Variants in STPG2 observed in about 807,000 individuals in gnomAD.
STPG2 encodes the protein sperm tail PG-rich repeat containing 2, also known as sperm-tail PG-rich repeat-containing protein 2.
A neutral mutation model predicts 54.2 loss-of-function variants in STPG2; 56 were observed. The observed-to-expected ratio is 1.03, with a 90% confidence interval of 0.83 to 1.29. STPG2 has a LOEUF of 1.29. STPG2 is among the 50% of genes most tolerant of loss of function. STPG2 has a pLI of 0.00. For missense variants in STPG2, 596 were observed against 544.9 expected, an observed-to-expected ratio of 1.09 and a Z score of -0.93; for synonymous variants, 200 against 181.8, an observed-to-expected ratio of 1.10 and a Z score of -0.81.
chr4:97,959,065 A>C (rs1365818318), intron 7 of STPG2, among the ~76,000 whole-genome samples: 1 of 152,176 alleles, frequency 6.6e-6, no homozygotes, highest in East Asian at 1.9e-4. Context: ...TCAACTCTAA[A>C]AGGAACCTTC....
chr4:97,675,363 T>C lies in STPG2; in HGVS notation c.1320+37336A>G, dbSNP rs1478719959. 4.8e-4 allele frequency among the ~76,000 whole-genome samples: 73 copies of C among 152,146 alleles called. 1 individual carries two copies. On this transcript the variant is annotated intron_variant, in intron 10 of 10. Transcript: ENST00000295268. ...AAGTTTCTATGATTATATGAATTAA[T>C]TATATTTGCAAGCCTGAAACTTCAT... is the stretch of plus-strand genomic sequence containing the variant.
At chr4:97,561,045 G>C (rs550352554) in intron 10 of STPG2, among the ~76,000 whole-genome samples, 3 of 152,022 alleles carry the variant, frequency 2.0e-5, no homozygotes, top group South Asian at 2.1e-4. Context: ...CACAATGGTT[G>C]AACTAGTTTA....
intron 5 of STPG2, among the ~76,000 whole-genome samples, chr4:98,000,141 C>G (rs974775705): frequency 1.3e-5 from 2 of 152,064 alleles, no homozygotes; most frequent in Admixed American, 6.6e-5. Flanking sequence ...TTCCAGCTAA[C>G]ATCTAGATTG....
At chr4:97,882,042 A>G (rs1460254872) in intron 8 of STPG2, among the ~76,000 whole-genome samples, 1 of 152,114 alleles carries the variant, frequency 6.6e-6, no homozygotes, top group Non-Finnish European at 1.5e-5. Context: ...CACACAAAAA[A>G]AATACCATGT....
intron 5 of STPG2, among the ~76,000 whole-genome samples, chr4:97,993,143 G>C (rs1470485558): frequency 6.6e-6 from 1 of 152,038 alleles, no homozygotes; most frequent in African/African-American, 2.4e-5. Flanking sequence ...GATGAAAGTG[G>C]GCATCCTGGT....
At position 97,669,779 on chromosome 4, in the gene STPG2, G is replaced by A. The variant is rs1722642351; in HGVS notation, c.1320+42920C>T. Among the ~76,000 whole-genome samples, 3 of 26,056 alleles carry A rather than the reference G, an allele frequency of 1.2e-4. 1 individual carries two copies. In the Admixed American group the frequency reaches 1.4e-3, roughly 13 times the overall value. 17.1% of individuals were successfully genotyped at this position (26,056 alleles called of 152,430 possible). A position where few individuals can be genotyped will look rare whatever the true frequency, so the allele number is the denominator to read the frequency against. On this transcript the variant is annotated intron_variant, in intron 10 of 10. Transcript: ENST00000295268. ...CCACTGCAGTCCGCAGTCCGGCCTGGGCAACAGAGCGAGACTCCGTCTCAA... is the reference window on the plus strand; with the variant it reads ...CCACTGCAGTCCGCAGTCCGGCCTGAGCAACAGAGCGAGACTCCGTCTCAA...
intron 8 of STPG2, among the ~76,000 whole-genome samples, chr4:97,940,604 G>T (rs1044375659): frequency 1.3e-5 from 2 of 152,020 alleles, no homozygotes; most frequent in Admixed American, 6.6e-5. Flanking sequence ...ATTAATACTT[G>T]CAATTCCATT....
intron 4 of STPG2, among the ~76,000 whole-genome samples, chr4:97,452,539 A>T (rs955069816): frequency 1.3e-5 from 2 of 152,132 alleles, no homozygotes; most frequent in African/African-American, 2.4e-5. Context: ...AGGCCCATAA[A>T]AGCCCCAGGC....
At chr4:97,695,803 A>C (rs1723551665) in intron 10 of STPG2, among the ~76,000 whole-genome samples, 1 of 152,088 alleles carries the variant, frequency 6.6e-6, no homozygotes, top group Admixed American at 6.5e-5. Context: ...AAACCAAGGA[A>C]GTGAAAGACT....
intron 8 of STPG2, among the ~76,000 whole-genome samples, chr4:97,854,222 G>C (rs1366151435): frequency 6.6e-6 from 1 of 152,014 alleles, no homozygotes; most frequent in Non-Finnish European, 1.5e-5. Context: ...TAAAGGTTAT[G>C]GCCTCTGAAG....
At chr4:97,804,873 A>G (rs890654217) in intron 9 of STPG2, among the ~76,000 whole-genome samples, 1 of 152,160 alleles carries the variant, frequency 6.6e-6, no homozygotes, top group Non-Finnish European at 1.5e-5. Flanking sequence ...TGCCTATAGT[A>G]TTCAGTGCAG....
At chr4:97,639,299 T>A (rs1193725326) in intron 10 of STPG2, among the ~76,000 whole-genome samples, 1 of 146,730 alleles carries the variant, frequency 6.8e-6, no homozygotes, top group Non-Finnish European at 1.5e-5. Context: ...AACAATGAGA[T>A]CACATGGACA....
intron 10 of STPG2, among the ~76,000 whole-genome samples, chr4:97,650,481 A>G (rs1722033785): frequency 6.6e-6 from 1 of 152,170 alleles, no homozygotes; most frequent in South Asian, 2.1e-4. Flanking sequence ...TAGAAAGGCA[A>G]GACAACTTGA....
chr4:98,118,535 T>C (rs1041204797), intron 3 of STPG2, among the ~76,000 whole-genome samples: 4 of 152,140 alleles, frequency 2.6e-5, no homozygotes, highest in African/African-American at 9.7e-5. Flanking sequence ...GAGGTATATG[T>C]ATAAACTCAC....
At chr4:97,865,440 A>C (rs1729731995) in intron 8 of STPG2, among the ~76,000 whole-genome samples, 1 of 152,208 alleles carries the variant, frequency 6.6e-6, no homozygotes, top group South Asian at 2.1e-4. Flanking sequence ...AGGAAACAAC[A>C]GGTGCTGGAG....
chr4:97,565,814 C>G (rs1033576859), intron 10 of STPG2, among the ~76,000 whole-genome samples: 5 of 149,860 alleles, frequency 3.3e-5, no homozygotes, highest in Admixed American at 2.7e-4. Context: ...AGAGGAGTAC[C>G]CGGCCGTGTG....
chr4:97,480,273 C>T (rs1369761394), intron 4 of STPG2, among the ~76,000 whole-genome samples: 1 of 151,508 alleles, frequency 6.6e-6, no homozygotes, highest in Admixed American at 6.6e-5. Flanking sequence ...GCCCAGTTTA[C>T]TAAAGAAATT....
chr4:97,449,849 G>T (rs1328038231), intron 4 of STPG2, among the ~76,000 whole-genome samples: 1 of 152,108 alleles, frequency 6.6e-6, no homozygotes, highest in Non-Finnish European at 1.5e-5. Context: ...CACAGCCAGG[G>T]CAATCCACAT....
chr4:97,556,548 G>A (rs550238392), downstream of STPG2, among the ~76,000 whole-genome samples: 5 of 152,122 alleles, frequency 3.3e-5, no homozygotes, highest in East Asian at 1.9e-4. Context: ...TTTGGAGGCT[G>A]TTGAAAACAT....
Sources: allele counts gnomAD v4.1 joint callset (sites outside exome capture counted in the v4.1 genomes callset), GRCh38; gene constraint gnomAD v4.1.1; transcripts MANE v1.5; gene names NCBI Gene and HGNC (gene_info 2026-07-23, HGNC 2026-07-21).